LYST: variants seen among roughly 807,000 people sequenced by gnomAD.
LYST encodes lysosomal-trafficking regulator.
In LYST, 192 loss-of-function variants were observed where a neutral mutation model predicts 413.6. The ratio of observed to expected loss-of-function variants is 0.46; its 90% CI spans 0.41 to 0.52. LYST has a LOEUF of 0.52. LYST is among the 20% of genes least tolerant of loss of function. The probability of loss-of-function intolerance (pLI) is 0.00; values close to 1 mark genes in which losing one functional copy is unlikely to be tolerated. For missense variants in LYST, 3,815 were observed against 4,499.9 expected, an observed-to-expected ratio of 0.85 and a Z score of 4.35; for synonymous variants, 1,525 against 1,567.3, an observed-to-expected ratio of 0.97 and a Z score of 0.64.
Position 235,734,663 on chromosome 1 carries a change from T to C in LYST, c.8359-4A>G. On this transcript the variant is annotated splice_polypyrimidine_tract_variant and splice_region_variant and intron_variant, in intron 31 of 52. Transcript: ENST00000389793. ...ACAAAACTAACTTGGCTCCATGCTT[T>C]AAAAAAAGTAATAATTTTTTAGTCA... 3 of 1,591,326 alleles carry C rather than the reference T, an allele frequency of 1.9e-6. No individual in the cohort carries two copies. Among genetic ancestry groups the C allele is most frequent in the Admixed American group, 1.7e-5 (1 of 58,654 alleles).
At chr1:235,741,227 T>C (rs940839410) in intron 31 of LYST, among the ~76,000 whole-genome samples, 195 bp downstream of exon 31, 8 of 152,140 alleles carry the variant, frequency 5.3e-5, no homozygotes, top group Admixed American at 1.3e-4. Flanking sequence ...AGAAAAAAGA[T>C]TGGGAAATAA....
At chr1:235,752,240 C>T in intron 26 of LYST, 69 bp from the exon 27 acceptor site, 2 of 1,171,768 alleles carry the variant, frequency 1.7e-6, no homozygotes, top group South Asian at 2.5e-5. Flanking sequence ...TAAGACACAG[C>T]TAACTGATTT....
At chr1:235,705,391 TA>T (rs907007273) in intron 44 of LYST, among the ~76,000 whole-genome samples, 4 of 150,410 alleles carry the variant, frequency 2.7e-5, no homozygotes, top group Admixed American at 1.3e-4. Flanking sequence ...TACTTTTTTT[TA>T]AAAAAAAAAT....
chr1:235,743,796 T>C (rs1665649731), intron 30 of LYST, among the ~76,000 whole-genome samples, 183 bp downstream of exon 30: 1 of 152,168 alleles, frequency 6.6e-6, no homozygotes, highest in South Asian at 2.1e-4. Context: ...AGTTGAGTCA[T>C]TTTGGAAAGG....
intron 7 of LYST, among the ~76,000 whole-genome samples, chr1:235,803,288 T>C (rs1277401432): frequency 1.3e-5 from 2 of 152,122 alleles, no homozygotes; most frequent in Non-Finnish European, 2.9e-5. Context: ...CAAAGTAAGT[T>C]ATAGGTCATT....
chr1:235,781,046 A>G lies in LYST; in HGVS notation c.5033T>C (p.Val1678Ala), dbSNP rs151337641. Reference protein sequence around the residue: ...GNLLLFNGAKVGSQEAFYLYA... With the variant: ...GNLLLFNGAKAGSQEAFYLYA... Reference sequence around the variant, plus strand: ...CAGATAAAAGGCCTCTTGTGAACCAACCTTAGCTCCTGAATAGCAGAAAAA... The same window carrying G: ...CAGATAAAAGGCCTCTTGTGAACCAGCCTTAGCTCCTGAATAGCAGAAAAA... The change falls in exon 16 of 53, where the codon GTT (valine) becomes GCT (alanine). Residue 1678 changes from valine to alanine, a missense_variant. By Grantham distance (64) the Val-to-Ala change is moderately conservative. Transcript: ENST00000389793. The G allele has an allele frequency of 1.5e-4, 247 of 1,607,234 alleles. 1 individual carries two copies. Among genetic ancestry groups the G allele is most frequent in the Non-Finnish European group, 2.0e-4 (238 of 1,174,580 alleles).
chr1:235,709,876 G>T (rs1004169600), intron 43 of LYST, among the ~76,000 whole-genome samples: 2 of 140,584 alleles, frequency 1.4e-5, no homozygotes, highest in Admixed American at 1.4e-4. Context: ...TTTCTACTAA[G>T]CATTCCTGTA....
At chr1:235,851,984 CT>C (rs1223704861) in intron 1 of LYST, among the ~76,000 whole-genome samples, 1 of 152,194 alleles carries the variant, frequency 6.6e-6, no homozygotes, top group Non-Finnish European at 1.5e-5. Flanking sequence ...GTATGTTCAA[CT>C]TTCATTGAAT....
chr1:235,873,962 G>A (rs1342671569), intron 1 of LYST, among the ~76,000 whole-genome samples: 1 of 152,122 alleles, frequency 6.6e-6, no homozygotes, highest in Non-Finnish European at 1.5e-5. Context: ...TCATTCAGAA[G>A]GAAATAGAAA....
intron 24 of LYST, among the ~76,000 whole-genome samples, chr1:235,756,197 C>T (rs949330427): frequency 6.6e-6 from 1 of 152,006 alleles, no homozygotes; most frequent in African/African-American, 2.4e-5. Context: ...CCTTCCACCT[C>T]TTTCTCCCCT....
intron 48 of LYST, among the ~76,000 whole-genome samples, chr1:235,683,625 AT>A (rs1237470088): frequency 3.3e-5 from 5 of 152,346 alleles, no homozygotes; most frequent in South Asian, 2.1e-4. Context: ...ATTTCCTAAG[AT>A]CCCCTTGAAA....
chr1:235,684,004 C>A (rs924746494), intron 48 of LYST, among the ~76,000 whole-genome samples: 1 of 152,022 alleles, frequency 6.6e-6, no homozygotes, highest in African/African-American at 2.4e-5. Context: ...ATTTGATTAC[C>A]TAATACTTAG....
At chr1:235,726,163 T>C (rs1663848073) in intron 38 of LYST, among the ~76,000 whole-genome samples, 1 of 152,178 alleles carries the variant, frequency 6.6e-6, no homozygotes, top group Non-Finnish European at 1.5e-5. Context: ...CTTACTCTTC[T>C]GTGTTGACTA....
chr1:235,867,310 A>G (rs1462303901), upstream of LYST, among the ~76,000 whole-genome samples: 1 of 152,168 alleles, frequency 6.6e-6, no homozygotes, highest in Non-Finnish European at 1.5e-5. Flanking sequence ...TCTTCCATTC[A>G]ACACAGACTG....
At chr1:235,863,371 G>A (rs1680130250) in intron 1 of LYST, among the ~76,000 whole-genome samples, 1 of 151,792 alleles carries the variant, frequency 6.6e-6, no homozygotes, top group Non-Finnish European at 1.5e-5. Context: ...CAGCCTGGGT[G>A]ACAGAGCGAG....
Position 235,687,005 on chromosome 1 carries a change from T to C in LYST, c.10744A>G (p.Thr3582Ala), listed in dbSNP as rs372868836. ...GTGATGACACCGCATTTGCTTCCAG[T>C]AAACAGCTGGCAACTGTCAGGCACC... ...AWVPDSCQLF[T>A]GSKCGVITAY... Residue 3582 changes from threonine to alanine, a missense_variant, in exon 48 of 53, where the codon ACT (threonine) becomes GCT (alanine). Physicochemically the swap from Thr to Ala is moderately conservative, Grantham distance 58 (BLOSUM62 0). Around this residue, in one of 4 missense-constraint regions of LYST, gnomAD observed 866 missense variants for 1,156.0 expected, o/e 0.75. Coordinates refer to ENST00000389793, the MANE Select transcript of LYST (RefSeq NM_000081.4). 13 of 1,613,942 alleles carry C rather than the reference T, an allele frequency of 8.1e-6. No homozygotes were observed. The highest frequency in any genetic ancestry group is 2.2e-5 in the East Asian group (1 of 44,876).
chr1:235,861,945 T>G (rs1034213744), intron 1 of LYST, among the ~76,000 whole-genome samples: 1 of 152,250 alleles, frequency 6.6e-6, no homozygotes, highest in Non-Finnish European at 1.5e-5. Flanking sequence ...GGCTAATCCC[T>G]GCATATTACT....
chr1:235,882,061 C>T (rs908839531), intron 1 of LYST, among the ~76,000 whole-genome samples: 1 of 148,068 alleles, frequency 6.8e-6, no homozygotes, highest in Non-Finnish European at 1.5e-5. Context: ...CACACATACA[C>T]ACACACACTC....
At chr1:235,814,037 T>C (rs1673772140) in intron 3 of LYST, among the ~76,000 whole-genome samples, 2 of 152,114 alleles carry the variant, frequency 1.3e-5, no homozygotes, top group Non-Finnish European at 1.5e-5. Context: ...GGAGACATAT[T>C]TGAGAAACTG....
Sources: gnomAD v4.1 joint callset for allele counts (sites outside exome capture counted in the v4.1 genomes callset) on GRCh38, gnomAD v4.1.1 for gene constraint, gnomAD v4.1.1 regional missense constraint, MANE v1.5 for transcripts, NCBI Gene and HGNC (gene_info 2026-07-23, HGNC 2026-07-21) for gene names.